The following SNRNP48 variants were observed in gnomAD, a reference collection of about 807,000 sequenced individuals.
SNRNP48 encodes the protein small nuclear ribonucleoprotein U11/U12 subunit 48.
In SNRNP48, 43 loss-of-function variants were observed where a neutral mutation model predicts 47.0. The ratio of observed to expected loss-of-function variants is 0.92; its 90% CI spans 0.72 to 1.18. The LOEUF is 1.18. Ranked by LOEUF, SNRNP48 falls within the 50% of genes most tolerant of loss-of-function variation. SNRNP48 has a pLI of 0.00. For missense variants in SNRNP48, 396 were observed against 422.2 expected (o/e 0.94, Z 0.54); for synonymous variants, 138 against 144.0 (o/e 0.96, Z 0.30).
At chr6:7,606,634 C>A (rs765076194) in intron 8 of SNRNP48, among the ~76,000 whole-genome samples, 15 of 152,088 alleles carry the variant, frequency 9.9e-5, no homozygotes, top group Non-Finnish European at 2.2e-4. Context: ...GTCAATTTTG[C>A]CTTTGTTAGT....
intron 4 of SNRNP48, chr6:7,600,273 C>T (rs1329003923): frequency 2.3e-6 from 2 of 880,252 alleles, no homozygotes; most frequent in Non-Finnish European, 2.7e-6. Flanking sequence ...TGTTGTAATG[C>T]TTAGTTCATA....
rs1175104329 is a variant in SNRNP48 at position 7,608,911 on chromosome 6, A to G, written c.*38A>G. ...TACCTATATTAATTATGCTTACGCCATGATAACCAATATACAGATATATTA... is the reference window on the plus strand; with the variant it reads ...TACCTATATTAATTATGCTTACGCCGTGATAACCAATATACAGATATATTA... On this transcript the variant is annotated 3_prime_UTR_variant, in exon 9 of 9. Transcript: ENST00000342415. 5 of 1,174,934 alleles carry G rather than the reference A, an allele frequency of 4.3e-6. No individual in the cohort carries two copies. The highest frequency in any genetic ancestry group is 2.5e-5 in the Admixed American group (1 of 39,982). 72.8% of individuals were successfully genotyped at this position (1,174,934 alleles called of 1,614,324 possible). A position where few individuals can be genotyped will look rare whatever the true frequency, so the allele number is the denominator to read the frequency against.
chr6:7,601,959 T>C (rs943764343), intron 5 of SNRNP48, among the ~76,000 whole-genome samples: 1 of 152,054 alleles, frequency 6.6e-6, no homozygotes, highest in Admixed American at 6.5e-5. Context: ...GCTGAAGCAA[T>C]TCTCGTGCCT....
At chr6:7,592,613 G>A (rs531241228) in intron 1 of SNRNP48, among the ~76,000 whole-genome samples, 9 of 152,056 alleles carry the variant, frequency 5.9e-5, no homozygotes, top group Non-Finnish European at 1.3e-4. Flanking sequence ...AATAGAAAAT[G>A]AGGCAAAGAG....
chr6:7,605,505 T>G lies in SNRNP48; in HGVS notation c.806+19T>G, dbSNP rs1171580424. 1.9e-6 allele frequency: 3 copies of G among 1,598,508 alleles called. No homozygotes were observed. In the Admixed American group the frequency reaches 5.0e-5, roughly 27 times the overall value. ...CCGAAAAGTACGTCATTATCTTTAT[T>G]GGTGAAAATACTCTCTCTTTGATAA... is the stretch of plus-strand genomic sequence containing the variant. On this transcript the variant is annotated intron_variant, in intron 7 of 8. Transcript: ENST00000342415.
rs948908306 is a variant in SNRNP48, at chr6:7,607,727, G to T, written c.972-1098G>T. Reference sequence around the variant, plus strand: ...AGACTGTGAGCTCCATGAAGGCAAGGTCTGTATCTTACTTAGTTTTATACA... The same window carrying T: ...AGACTGTGAGCTCCATGAAGGCAAGTTCTGTATCTTACTTAGTTTTATACA... On this transcript the variant is annotated intron_variant, in intron 8 of 8. Coordinates refer to ENST00000342415, the MANE Select transcript of SNRNP48 (RefSeq NM_152551.4). Among the ~76,000 whole-genome samples, 64 of 152,282 alleles carry T rather than the reference G, an allele frequency of 4.2e-4. 1 individual carries two copies. The highest frequency in any genetic ancestry group is 1.4e-3 in the African/African-American group (60 of 41,560).
Position 7,590,269 on chromosome 6 carries a change from G to C in SNRNP48, c.12G>C (p.Glu4Asp), listed in dbSNP as rs147784961. The C allele has an allele frequency of 4.4e-6, 6 of 1,350,554 alleles. No homozygotes were observed. The highest frequency in any genetic ancestry group is 6.0e-5 in the Admixed American group (2 of 33,150). The allele number at this position is 1,350,554 out of a possible 1,614,324, so 83.7% of individuals were successfully genotyped here. The change falls in exon 1 of 9, where the codon GAG (glutamate) becomes GAC (aspartate). Residue 4 changes from glutamate (E) to aspartate (D), a missense_variant. Coordinates refer to ENST00000342415, the MANE Select transcript of SNRNP48 (RefSeq NM_152551.4). ...GGTGGGCTGCAGCTATGGAGGGCGAGCCTCCACCTGTGGAGGAGCGGCGGC... is the reference window on the plus strand; with the variant it reads ...GGTGGGCTGCAGCTATGGAGGGCGACCCTCCACCTGTGGAGGAGCGGCGGC... MEG[E>D]PPPVEERRRL...
intron 4 of SNRNP48, among the ~76,000 whole-genome samples, chr6:7,598,356 G>A (rs971185177): frequency 7.9e-5 from 12 of 151,866 alleles, no homozygotes; most frequent in African/African-American, 2.9e-4. Flanking sequence ...TTAGCCAGGC[G>A]CTATGGTGCG....
In SNRNP48 at chr6:7,611,629, C is replaced by G. The variant is rs1158101474; in HGVS notation, c.*2756C>G. ...GTACAGCTAATTGGATAATCTCAAA[C>G]CCTTTAGTGAAAATATCTTAAATGC... is the stretch of plus-strand genomic sequence containing the variant. On this transcript the variant is annotated 3_prime_UTR_variant, in exon 9 of 9. Coordinates refer to ENST00000342415, the MANE Select transcript of SNRNP48 (RefSeq NM_152551.4). The G allele has an allele frequency of 6.6e-6, 1 of 152,170 alleles. No individual in the cohort carries two copies. The highest frequency in any genetic ancestry group is 1.5e-5 in the Non-Finnish European group (1 of 68,026). The allele number at this position is 152,170 out of a possible 1,614,324, so 9.4% of individuals were successfully genotyped here. A position where few individuals can be genotyped will look rare whatever the true frequency, so the allele number is the denominator to read the frequency against.
Position 7,606,177 on chromosome 6 carries a change from C to A in SNRNP48, c.953C>A (p.Ser318Ter). 1 of 1,610,420 alleles carries A rather than the reference C, an allele frequency of 6.2e-7. No homozygotes were observed. The highest frequency in any genetic ancestry group is 1.1e-5 in the South Asian group (1 of 90,502). Residue 318 changes from serine to a stop codon, truncating the protein, a stop_gained, in exon 8 of 9, where the codon TCG (serine) becomes TAG (stop). Transcript: ENST00000342415. LOFTEE classifies it high-confidence loss of function. ...AAAGATAAGGATAAAAACTGTGAGTCGAGAAGAAGGAAAGAGAGGTGGGTC... is the reference window on the plus strand; with the variant it reads ...AAAGATAAGGATAAAAACTGTGAGTAGAGAAGAAGGAAAGAGAGGTGGGTC... ...RNKDKDKNCESRRRKERDGER... is the reference protein window; with the variant it reads ...RNKDKDKNCE
rs1256749333 is a variant in SNRNP48 at position 7,590,221 on chromosome 6, A to T, written c.-37A>T. On this transcript the variant is annotated 5_prime_UTR_variant, in exon 1 of 9. Transcript: ENST00000342415. ...CCAGAGGCCTGCGCGTGCGGTCTGC[A>T]GTTCGGCCGCTTCCTCTTGGCGGGT... is the stretch of plus-strand genomic sequence containing the variant. 1 of 1,279,696 alleles carries T rather than the reference A, an allele frequency of 7.8e-7. No homozygotes were observed. The highest frequency in any genetic ancestry group is 9.9e-7 in the Non-Finnish European group (1 of 1,005,446). 79.3% of individuals were successfully genotyped at this position (1,279,696 alleles called of 1,614,324 possible). A position where few individuals can be genotyped will look rare whatever the true frequency, so the allele number is the denominator to read the frequency against.
intron 6 of SNRNP48, among the ~76,000 whole-genome samples, chr6:7,603,786 G>C (rs1760075240): frequency 6.6e-6 from 1 of 152,170 alleles, no homozygotes; most frequent in Non-Finnish European, 1.5e-5. Flanking sequence ...GTAGAGACCT[G>C]GGTCCCTGTC....
At chr6:7,608,037 A>G (rs1340665293) in intron 8 of SNRNP48, among the ~76,000 whole-genome samples, 5 of 152,244 alleles carry the variant, frequency 3.3e-5, no homozygotes, top group Non-Finnish European at 7.3e-5. Flanking sequence ...ACTTAAATAC[A>G]TTAGAAGTCC....
rs1434150603 is a variant in SNRNP48 at position 7,611,279 on chromosome 6, C to T, written c.*2406C>T. The T allele has an allele frequency of 2.0e-5, 3 of 152,252 alleles. No homozygotes were observed. The highest frequency in any genetic ancestry group is 2.9e-5 in the Non-Finnish European group (2 of 68,094). 9.4% of individuals were successfully genotyped at this position (152,252 alleles called of 1,614,324 possible). On this transcript the variant is annotated 3_prime_UTR_variant, in exon 9 of 9. Transcript: ENST00000342415. ...TGAACTCCTGGGCTCAGATGATCCTCCTGTCCTCAGCCTCCCAAAATGCTG... is the reference window on the plus strand; with the variant it reads ...TGAACTCCTGGGCTCAGATGATCCTTCTGTCCTCAGCCTCCCAAAATGCTG...
chr6:7,600,243 G>C (rs1759989961), intron 4 of SNRNP48: 1 of 971,030 alleles, frequency 1.0e-6, no homozygotes, highest in Non-Finnish European at 1.2e-6. Flanking sequence ...TTAATATGTA[G>C]ACAAGTAGTA....
chr6:7,611,843 AACCC>A lies in SNRNP48; in HGVS notation c.*2973_*2976del, dbSNP rs1395448706. 2.0e-5 allele frequency: 3 copies of A among 152,216 alleles called. No individual in the cohort carries two copies. Among genetic ancestry groups the A allele is most frequent in the Non-Finnish European group, 4.4e-5 (3 of 68,040 alleles). 9.4% of individuals were successfully genotyped at this position (152,216 alleles called of 1,614,324 possible). The stretch of plus-strand genomic sequence containing the variant: ...TGCATTCTGAGCATAAAAATAATAA[AACCC>A]ACTTATATTTGCTTGAGTGTGTTTA... On this transcript the variant is annotated 3_prime_UTR_variant, in exon 9 of 9. Transcript: ENST00000342415.
rs928414551 is a variant in SNRNP48, at chr6:7,595,179, A to G, written c.406+78A>G. 17 of 1,261,924 alleles carry G rather than the reference A, an allele frequency of 1.3e-5. No homozygotes were observed. In the East Asian group the frequency reaches 2.6e-4, roughly 19 times the overall value. The allele number at this position is 1,261,924 out of a possible 1,614,324, so 78.2% of individuals were successfully genotyped here. On this transcript the variant is annotated intron_variant, in intron 4 of 8. Transcript: ENST00000342415. ...CATAAGCATGTTACTAATTTTCTTC[A>G]AGAAAAACCTGTGAAAACTGTTACA...
intron 4 of SNRNP48, among the ~76,000 whole-genome samples, chr6:7,596,146 TC>T (rs1369055533): frequency 2.0e-5 from 3 of 151,956 alleles, no homozygotes; most frequent in African/African-American, 7.3e-5. Flanking sequence ...GCACCTGTAA[TC>T]CCAGCTACTC....
chr6:7,600,447 C>G (rs1488420197), intron 4 of SNRNP48: 1 of 153,068 alleles, frequency 6.5e-6, no homozygotes, highest in African/African-American at 2.4e-5. Flanking sequence ...CCTTTAGTAG[C>G]TCATGTTCTT....
Sources: gnomAD v4.1 joint callset for allele counts (sites outside exome capture counted in the v4.1 genomes callset) on GRCh38, gnomAD v4.1.1 for gene constraint, MANE v1.5 for transcripts, NCBI Gene and HGNC (gene_info 2026-07-23, HGNC 2026-07-21) for gene names.